IQGAP1: variants seen among roughly 807,000 people sequenced by gnomAD.
IQGAP1 encodes ras GTPase-activating-like protein IQGAP1.
Under a neutral mutation model 215.6 loss-of-function variants are expected in IQGAP1, and 66 were observed. The observed-to-expected ratio is 0.31, with a 90% CI of 0.25 to 0.38. The LOEUF (loss-of-function observed/expected upper bound fraction) is 0.38, where lower values mean the gene tolerates loss of function less well. Among genes scored for constraint, IQGAP1 ranks in the 10% least tolerant of loss-of-function variants. IQGAP1 has a pLI of 1.00. For missense variants in IQGAP1, 1,712 were observed against 1,997.1 expected, an observed-to-expected ratio of 0.86 and a Z score of 2.72; for synonymous variants, 772 against 728.7, an observed-to-expected ratio of 1.06 and a Z score of -0.96.
chr15:90,457,037 A>G lies in IQGAP1; in HGVS notation c.1776+722A>G, dbSNP rs578051996. 4.6e-5 allele frequency among the ~76,000 whole-genome samples: 7 copies of G among 151,564 alleles called. No individual in the cohort carries two copies. The South Asian group carries it at 1.0e-3, about 23-fold the overall frequency. ...AATGAACAAGGTAGATGGGTATGCA[A>G]TTGCATAAATTTTCAAAAGGAGGCA... On this transcript the variant is annotated intron_variant, in intron 15 of 37. Transcript: ENST00000268182.
intron 5 of IQGAP1, among the ~76,000 whole-genome samples, chr15:90,438,892 T>G (rs937433379): frequency 4.6e-5 from 7 of 152,034 alleles, no homozygotes; most frequent in African/African-American, 1.7e-4. Flanking sequence ...GCCTGGCTAA[T>G]TTTTGTATTT....
chr15:90,451,431 T>C (rs1388323634), intron 11 of IQGAP1, among the ~76,000 whole-genome samples: 1 of 152,066 alleles, frequency 6.6e-6, no homozygotes, highest in Non-Finnish European at 1.5e-5. Flanking sequence ...GGGTAGTGAG[T>C]AGGGGTCCTG....
intron 5 of IQGAP1, among the ~76,000 whole-genome samples, chr15:90,438,917 G>A (rs1055683343): frequency 1.4e-4 from 21 of 151,972 alleles, no homozygotes; most frequent in Non-Finnish European, 2.6e-4. Context: ...TAGAGACAGG[G>A]TTTTGTCATG....
At chr15:90,388,488 G>T (rs111592783) in intron 1 of IQGAP1, 92 bp downstream of exon 1, 2 of 794,926 alleles carry the variant, frequency 2.5e-6, no homozygotes, top group Non-Finnish European at 3.5e-6. Context: ...GGCGGGTGGG[G>T]CAGGGCGGCT....
chr15:90,440,397 G>A (rs1268785128), intron 6 of IQGAP1, 105 bp from the exon 7 acceptor site: 2 of 760,760 alleles, frequency 2.6e-6, no homozygotes, highest in East Asian at 2.7e-5. Flanking sequence ...ACCCTAAAAG[G>A]TAAATGCCAT....
chr15:90,484,454 C>CT (rs1295981763), intron 30 of IQGAP1, 102 bp downstream of exon 30: 2 of 832,538 alleles, frequency 2.4e-6, no homozygotes, highest in East Asian at 5.2e-5. Context: ...TTCCTGTAAT[C>CT]TAACTGACAA....
At chr15:90,455,401 C>T (rs1303402259) in intron 14 of IQGAP1, among the ~76,000 whole-genome samples, 1 of 152,120 alleles carries the variant, frequency 6.6e-6, no homozygotes, top group Admixed American at 6.6e-5. Context: ...AACCAGGAGT[C>T]ATTGGTTGGC....
chr15:90,388,313 T>A lies in IQGAP1; in HGVS notation c.-29T>A. On this transcript the variant is annotated 5_prime_UTR_variant, in exon 1 of 38. Coordinates refer to ENST00000268182, the MANE Select transcript of IQGAP1 (RefSeq NM_003870.4). ...TCCGCGCCTCCAAGGTTTCACGGCT[T>A]CCTCAGCAGAGACTCGGGCTCGTCC... 6.3e-7 allele frequency: 1 copy of A among 1,597,706 alleles called. No individual in the cohort carries two copies. The highest frequency in any genetic ancestry group is 8.5e-7 in the Non-Finnish European group (1 of 1,173,500).
intron 37 of IQGAP1, among the ~76,000 whole-genome samples, chr15:90,497,585 A>G (rs1262019977): frequency 1.3e-5 from 2 of 152,232 alleles, no homozygotes; most frequent in African/African-American, 4.8e-5. Context: ...TAGTGCTGCC[A>G]CTAAATCGAG....
At chr15:90,421,144 A>C (rs1225205224) in intron 2 of IQGAP1, among the ~76,000 whole-genome samples, 1 of 151,212 alleles carries the variant, frequency 6.6e-6, no homozygotes, top group African/African-American at 2.4e-5. Flanking sequence ...CTCAAAGAAA[A>C]ATTTTTTTTA....
chr15:90,456,113 T>TA (rs1390257302), intron 14 of IQGAP1, 39 bp from the exon 15 acceptor site: 4 of 1,573,238 alleles, frequency 2.5e-6, no homozygotes, highest in Non-Finnish European at 3.5e-6. Context: ...TGTACTTCCT[T>TA]AATTAGAAAA....
intron 2 of IQGAP1, among the ~76,000 whole-genome samples, chr15:90,415,226 T>G (rs534463358): frequency 1.3e-5 from 2 of 152,360 alleles, no homozygotes; most frequent in South Asian, 2.1e-4. Context: ...GTATATTTTA[T>G]GAATTTTTAA....
At chr15:90,455,493 C>T (rs779580468) in intron 14 of IQGAP1, among the ~76,000 whole-genome samples, 2 of 152,150 alleles carry the variant, frequency 1.3e-5, no homozygotes, top group Non-Finnish European at 2.9e-5. Context: ...GGGTCTTAGA[C>T]GCTCCCCCAG....
intron 18 of IQGAP1, 37 bp downstream of exon 18, chr15:90,467,629 GA>G: frequency 1.3e-6 from 2 of 1,578,112 alleles, no homozygotes; most frequent in Non-Finnish European, 1.7e-6. Flanking sequence ...GAAGCTGAGA[GA>G]AAGTGTTTTC....
At chr15:90,408,013 G>A (rs1032381673) in intron 2 of IQGAP1, among the ~76,000 whole-genome samples, 1 of 152,184 alleles carries the variant, frequency 6.6e-6, no homozygotes, top group African/African-American at 2.4e-5. Flanking sequence ...GTTTAGACAG[G>A]GAAAGATTAT....
intron 2 of IQGAP1, among the ~76,000 whole-genome samples, chr15:90,406,520 C>A (rs1209995433): frequency 6.6e-6 from 1 of 152,156 alleles, no homozygotes; most frequent in East Asian, 1.9e-4. Context: ...GACGGTTGTA[C>A]AACATTGTGA....
Position 90,499,989 on chromosome 15 carries a change from T to C in IQGAP1, c.4861-6T>C. The stretch of plus-strand genomic sequence containing the variant: ...TTTGTTTTGTTTTGTTTTGTTTTGT[T>C]AATAGGACCTGCTGCAGCTACAGTA... On this transcript the variant is annotated splice_region_variant and splice_polypyrimidine_tract_variant and intron_variant, in intron 37 of 37. Transcript: ENST00000268182. The C allele has an allele frequency of 6.7e-7, 1 of 1,497,864 alleles. No individual in the cohort carries two copies. The highest frequency in any genetic ancestry group is 2.3e-5 in the East Asian group (1 of 44,318). The allele number at this position is 1,497,864 out of a possible 1,614,324, so 92.8% of individuals were successfully genotyped here.
At chr15:90,432,792 C>T (rs951383526) in intron 4 of IQGAP1, among the ~76,000 whole-genome samples, 2 of 152,060 alleles carry the variant, frequency 1.3e-5, no homozygotes, top group African/African-American at 2.4e-5. Flanking sequence ...CCAAATTCTT[C>T]TCACCTCATT....
intron 2 of IQGAP1, among the ~76,000 whole-genome samples, chr15:90,402,049 T>G (rs2151003597): frequency 6.6e-6 from 1 of 152,338 alleles, no homozygotes; most frequent in South Asian, 2.1e-4. Flanking sequence ...CTAACCTCTT[T>G]AACTGGTGCC....
Sources: gnomAD v4.1 joint callset for allele counts (sites outside exome capture counted in the v4.1 genomes callset) on GRCh38, gnomAD v4.1.1 for gene constraint, MANE v1.5 for transcripts, NCBI Gene and HGNC (gene_info 2026-07-23, HGNC 2026-07-21) for gene names.